The following GABRB1 variants were observed in gnomAD, a reference collection of about 807,000 sequenced individuals.
GABRB1 encodes the protein gamma-aminobutyric acid type A receptor subunit beta1.
In GABRB1, 17 loss-of-function variants were observed where a neutral mutation model predicts 51.6. The observed-to-expected ratio is 0.33, with a 90% CI of 0.23 to 0.49. The LOEUF is 0.49. Among genes scored for constraint, GABRB1 ranks in the 20% least tolerant of loss-of-function variants. The pLI is 0.99. For missense variants in GABRB1, 410 were observed against 600.6 expected (o/e 0.68, Z 3.32); for synonymous variants, 247 against 218.9 (o/e 1.13, Z -1.14).
chr4:47,052,073 T>C (rs2109509232), intron 3 of GABRB1, among the ~76,000 whole-genome samples: 1 of 152,092 alleles, frequency 6.6e-6, no homozygotes, highest in East Asian at 1.9e-4. Context: ...GAGGTTGCAG[T>C]GAGCCGAGAT....
chr4:47,196,157 T>A (rs1719673580), intron 4 of GABRB1, among the ~76,000 whole-genome samples: 1 of 152,218 alleles, frequency 6.6e-6, no homozygotes, highest in Non-Finnish European at 1.5e-5. Context: ...TCTAGATAAG[T>A]GAGATGGTGA....
At chr4:47,093,801 CTT>C (rs1714255388) in intron 3 of GABRB1, among the ~76,000 whole-genome samples, 1 of 152,146 alleles carries the variant, frequency 6.6e-6, no homozygotes, top group Non-Finnish European at 1.5e-5. Flanking sequence ...CAAAATCTCT[CTT>C]AAGATACAAG....
chr4:47,261,084 G>T (rs1418080996), intron 4 of GABRB1, among the ~76,000 whole-genome samples: 1 of 152,142 alleles, frequency 6.6e-6, no homozygotes, highest in Non-Finnish European at 1.5e-5. Flanking sequence ...CGAACCCACA[G>T]CCAATATCAT....
intron 3 of GABRB1, among the ~76,000 whole-genome samples, chr4:47,118,484 A>C (rs2109642883): frequency 6.6e-6 from 1 of 152,266 alleles, no homozygotes; most frequent in East Asian, 1.9e-4. Context: ...AATGAATTGA[A>C]ACCCTTTCAA....
intron 4 of GABRB1, among the ~76,000 whole-genome samples, chr4:47,294,071 G>C (rs901003590): frequency 2.6e-5 from 4 of 152,152 alleles, no homozygotes; most frequent in African/African-American, 9.7e-5. Context: ...AGCATGCTTA[G>C]TAATCAATGT....
rs575154578 is a variant in GABRB1 at position 47,271,991 on chromosome 4, A to T, written c.462-48136A>T. On this transcript the variant is annotated intron_variant, in intron 4 of 8. Transcript: ENST00000295454. ...TCAAATGAGCACATTTTCATTAGTT[A>T]CACATTAATAACTTTGTTATGTACA... Among the ~76,000 whole-genome samples the T allele has an allele frequency of 8.5e-5, 3 of 35,288 alleles. No individual in the cohort carries two copies. In the South Asian group the frequency reaches 5.7e-3, roughly 68 times the overall value. The allele number at this position is 35,288 out of a possible 152,430, so 23.2% of individuals were successfully genotyped here.
At chr4:47,337,400 T>A (rs1427248492) in intron 5 of GABRB1, among the ~76,000 whole-genome samples, 2 of 152,098 alleles carry the variant, frequency 1.3e-5, no homozygotes, top group Non-Finnish European at 2.9e-5. Context: ...GTGGTGAGGA[T>A]GAGAGCATTG....
intron 3 of GABRB1, among the ~76,000 whole-genome samples, chr4:47,116,101 T>A (rs1362367402): frequency 6.6e-6 from 1 of 152,216 alleles, no homozygotes; most frequent in African/African-American, 2.4e-5. Flanking sequence ...AAGTAGCCTG[T>A]GGTTTTTACT....
intron 4 of GABRB1, among the ~76,000 whole-genome samples, chr4:47,195,435 G>C (rs1719627680): frequency 8.6e-6 from 1 of 116,940 alleles, no homozygotes; most frequent in African/African-American, 3.7e-5. Context: ...TAGATAGATA[G>C]ATAGATAGAT....
chr4:47,172,680 C>A (rs185838177), intron 4 of GABRB1, among the ~76,000 whole-genome samples: 3 of 133,114 alleles, frequency 2.3e-5, no homozygotes, highest in African/African-American at 8.7e-5. Flanking sequence ...CTTCCTATGT[C>A]GCCCAGGCTG....
At chr4:47,172,828 G>A (rs541209750) in intron 4 of GABRB1, among the ~76,000 whole-genome samples, 3 of 151,940 alleles carry the variant, frequency 2.0e-5, no homozygotes, top group African/African-American at 7.2e-5. Context: ...TTTTAGTAGA[G>A]ACGGAGTTTC....
chr4:47,317,911 T>G (rs976388257), intron 4 of GABRB1, among the ~76,000 whole-genome samples: 2 of 152,100 alleles, frequency 1.3e-5, no homozygotes, highest in African/African-American at 4.8e-5. Context: ...CTCTTGGTCA[T>G]TGTACATAAT....
Position 47,202,357 on chromosome 4 carries a change from A to G in GABRB1, c.461+40888A>G, listed in dbSNP as rs548558755. On this transcript the variant is annotated intron_variant, in intron 4 of 8. Coordinates refer to ENST00000295454, the MANE Select transcript of GABRB1 (RefSeq NM_000812.4). ...AGCCATGCTGATCTGTTTTCTTCAG[A>G]CCGACCTCTTTCCTTTATAAATTAC... Among the ~76,000 whole-genome samples the G allele has an allele frequency of 2.2e-4, 33 of 152,260 alleles. 1 individual carries two copies. The South Asian group carries it at 5.0e-3, about 23-fold the overall frequency.
intron 5 of GABRB1, among the ~76,000 whole-genome samples, chr4:47,391,782 T>A (rs148503288): frequency 2.1e-3 from 315 of 152,310 alleles, no homozygotes; most frequent in African/African-American, 7.2e-3. Context: ...GCAAACAATA[T>A]TAACTTATTT....
intron 3 of GABRB1, among the ~76,000 whole-genome samples, chr4:47,132,403 TTTGGTTTGGTTTGG>T (rs1560550173): frequency 0.014 from 236 of 17,122 alleles, 1 homozygote; most frequent in African/African-American, 0.033. Flanking sequence ...TTTGGTTTGG[TTTGGTTTGGTTTGG>T]TTTGGTTTGG....
intron 3 of GABRB1, among the ~76,000 whole-genome samples, chr4:47,126,929 C>G (rs1177688779): frequency 6.6e-6 from 1 of 151,878 alleles, no homozygotes; most frequent in Non-Finnish European, 1.5e-5. Context: ...CTATTTCTAT[C>G]TTTTTTATAT....
chr4:47,218,214 T>C (rs1436030804), intron 4 of GABRB1, among the ~76,000 whole-genome samples: 1 of 151,856 alleles, frequency 6.6e-6, no homozygotes, highest in Non-Finnish European at 1.5e-5. Context: ...ATATATACCA[T>C]GTGTTCTTTA....
intron 5 of GABRB1, among the ~76,000 whole-genome samples, chr4:47,370,168 T>TA (rs1560355402): frequency 1.3e-5 from 2 of 152,296 alleles, no homozygotes; most frequent in South Asian, 4.1e-4. Flanking sequence ...TAATTTGGTT[T>TA]AAAAAAATCT....
intron 5 of GABRB1, among the ~76,000 whole-genome samples, chr4:47,347,460 T>C (rs564167343): frequency 1.0e-3 from 154 of 152,262 alleles, no homozygotes; most frequent in African/African-American, 3.5e-3. Context: ...AGTGTGAGTA[T>C]AGAAGGTTTT....
Sources: allele counts gnomAD v4.1 joint callset (sites outside exome capture counted in the v4.1 genomes callset), GRCh38; gene constraint gnomAD v4.1.1; transcripts MANE v1.5; gene names NCBI Gene and HGNC (gene_info 2026-07-23, HGNC 2026-07-21).